The following PAPOLG variants were observed in gnomAD, a reference collection of about 807,000 sequenced individuals.
The protein encoded by PAPOLG is PAP-gamma.
PAPOLG carries 40 observed loss-of-function variants against 99.0 expected under a neutral mutation model. That is an observed-to-expected ratio of 0.40 (90% CI 0.31 to 0.53). The LOEUF (loss-of-function observed/expected upper bound fraction) is 0.53, where lower values mean the gene tolerates loss of function less well. Ranked by LOEUF, PAPOLG falls within the 20% of genes least tolerant of loss-of-function variation. The pLI is 0.41. For missense variants in PAPOLG, 675 were observed against 884.1 expected, an observed-to-expected ratio of 0.76 and a Z score of 3.00; for synonymous variants, 310 against 299.3, an observed-to-expected ratio of 1.04 and a Z score of -0.37.
intron 9 of PAPOLG, among the ~76,000 whole-genome samples, chr2:60,780,105 G>A (rs1242944536): frequency 6.6e-6 from 1 of 152,172 alleles, no homozygotes. Flanking sequence ...TTCAGTAAAT[G>A]TTGGCTGTTG....
chr2:60,792,202 T>C lies in PAPOLG; in HGVS notation c.1592T>C (p.Leu531Pro). Residue 531 changes from leucine (L) to proline (P), a missense_variant, in exon 17 of 22, where the codon CTG becomes CCG. Around this residue, in one of 3 missense-constraint regions of PAPOLG, gnomAD observed 413 missense variants for 460.5 expected, o/e 0.90. Coordinates refer to ENST00000238714, the MANE Select transcript of PAPOLG (RefSeq NM_022894.4). ...AGATTGTCTCTGGATAGCAGTTGTC[T>C]GGATAGCTCCAGAGACACTGATAAT... ...SKRLSLDSSC[L>P]DSSRDTDNGT... is the part of the protein sequence containing the mutation. 2 of 1,609,266 alleles carry C rather than the reference T, an allele frequency of 1.2e-6. No homozygotes were observed. Among genetic ancestry groups the C allele is most frequent in the East Asian group, 2.2e-5 (1 of 44,858 alleles).
chr2:60,757,313 A>ACT (rs1670377448), intron 1 of PAPOLG, among the ~76,000 whole-genome samples: 1 of 151,916 alleles, frequency 6.6e-6, no homozygotes. Context: ...CATCTGAAGG[A>ACT]CTCTCCTACC....
intron 9 of PAPOLG, among the ~76,000 whole-genome samples, chr2:60,780,133 GAATTA>G (rs1019578517): frequency 6.6e-6 from 1 of 152,166 alleles, no homozygotes; most frequent in Admixed American, 6.5e-5. Flanking sequence ...TAAATTATCG[GAATTA>G]AATCCATGAA....
At chr2:60,762,550 T>C (rs1186457570) in intron 3 of PAPOLG, among the ~76,000 whole-genome samples, 1 of 152,218 alleles carries the variant, frequency 6.6e-6, no homozygotes, top group Admixed American at 6.6e-5. Flanking sequence ...ATTTCTAGAT[T>C]ACTTAAAATA....
intron 8 of PAPOLG, among the ~76,000 whole-genome samples, chr2:60,777,339 C>T (rs138381816): frequency 9.2e-4 from 140 of 152,138 alleles, no homozygotes; most frequent in African/African-American, 3.3e-3. Context: ...GCCTGTAATC[C>T]CAGCTACTCG....
intron 2 of PAPOLG, among the ~76,000 whole-genome samples, chr2:60,760,803 G>A (rs1341358404): frequency 6.6e-6 from 1 of 152,218 alleles, no homozygotes; most frequent in Non-Finnish European, 1.5e-5. Context: ...TCAAGGTTTG[G>A]TTTATTCTGA....
intron 15 of PAPOLG, among the ~76,000 whole-genome samples, chr2:60,788,989 A>G (rs1405226358): frequency 6.6e-6 from 1 of 152,192 alleles, no homozygotes; most frequent in Non-Finnish European, 1.5e-5. Context: ...GTGAGATACT[A>G]TGCAGCCATA....
rs1353860485 is a variant in PAPOLG, at chr2:60,797,066, T to A, written c.2117T>A (p.Leu706Gln). The A allele has an allele frequency of 1.9e-6, 3 of 1,611,972 alleles. No homozygotes were observed. The highest frequency in any genetic ancestry group is 2.5e-6 in the Non-Finnish European group (3 of 1,178,146). ...PTIDTSRKKR[L>Q]PSKELPDSSS... ...TTTCCTCTTTCTTTCTAATAGAGAC[T>A]ACCCAGTAAAGAACTACCAGATTCA... The change falls in exon 22 of 22, where the codon CTA becomes CAA. Residue 706 changes from leucine (L) to glutamine (Q), a missense_variant. By Grantham distance (113) the Leu-to-Gln change is moderately radical. Transcript: ENST00000238714.
chr2:60,793,252 A>G (rs920610266), intron 17 of PAPOLG, among the ~76,000 whole-genome samples: 1 of 150,762 alleles, frequency 6.6e-6, no homozygotes, highest in African/African-American at 2.4e-5. Flanking sequence ...TGTTACAACA[A>G]GAGTGTTTTA....
chr2:60,792,764 A>C (rs1253263611), intron 17 of PAPOLG, among the ~76,000 whole-genome samples: 1 of 151,562 alleles, frequency 6.6e-6, no homozygotes, highest in African/African-American at 2.4e-5. Flanking sequence ...GGCCGGGCAC[A>C]GTTGCTCACG....
chr2:60,787,009 T>C lies in PAPOLG; in HGVS notation c.1229T>C (p.Ile410Thr), dbSNP rs1671382300. ...LVGNLERNEFITLAHVNPQSF... is the reference protein window; with the variant it reads ...LVGNLERNEFTTLAHVNPQSF... ...GGAAACTTGGAACGGAATGAATTTA[T>C]TACTCTTGCCCATGTGAATCCCCAG... The change falls in exon 14 of 22, where the codon ATT becomes ACT. Residue 410 changes from isoleucine (I) to threonine (T), a missense_variant. Transcript: ENST00000238714. 2 of 1,612,998 alleles carry C rather than the reference T, an allele frequency of 1.2e-6. No individual in the cohort carries two copies. Among genetic ancestry groups the C allele is most frequent in the Non-Finnish European group, 1.7e-6 (2 of 1,179,122 alleles).
chr2:60,770,547 A>C (rs1304347352), intron 6 of PAPOLG, 36 bp downstream of exon 6: 1 of 1,331,498 alleles, frequency 7.5e-7, no homozygotes, highest in Non-Finnish European at 1.0e-6. Context: ...TTACAATTGA[A>C]CTGTTTAAAC....
intron 8 of PAPOLG, among the ~76,000 whole-genome samples, chr2:60,776,418 ATTTTTTTTTTT>A (rs70959863): frequency 1.2e-5 from 1 of 85,868 alleles, no homozygotes; most frequent in South Asian, 3.3e-4. Flanking sequence ...CATTGGCTTC[ATTTTTTTTTTT>A]TTTTTTTTTT....
Position 60,792,147 on chromosome 2 carries a change from A to C in PAPOLG, c.1537A>C (p.Asn513His). 1 of 1,588,060 alleles carries C rather than the reference A, an allele frequency of 6.3e-7. No homozygotes were observed. Among genetic ancestry groups the C allele is most frequent in the Non-Finnish European group, 8.5e-7 (1 of 1,173,254 alleles). ...CTTTCAGCAAAGTCTCTCTGATGTC[A>C]ATCGAAGCTCGGGCGGACTTCAATC... ...KKKKQSLSDV[N>H]RSSGGLQSKR... The change falls in exon 17 of 22, where the codon AAT (asparagine) becomes CAT (histidine). Residue 513 changes from asparagine (N) to histidine (H), a missense_variant. By Grantham distance (68) the Asn-to-His change is moderately conservative. Transcript: ENST00000238714.
intron 8 of PAPOLG, among the ~76,000 whole-genome samples, chr2:60,777,483 A>T (rs1402374175): frequency 6.6e-6 from 1 of 152,172 alleles, no homozygotes; most frequent in African/African-American, 2.4e-5. Flanking sequence ...TTCTGTCAGC[A>T]ATAAAGCAGT....
chr2:60,774,952 C>T lies in PAPOLG; in HGVS notation c.605-82C>T, dbSNP rs1307236193. The T allele has an allele frequency of 8.9e-6, 14 of 1,574,606 alleles. No homozygotes were observed. The East Asian group carries it at 1.8e-4, about 20-fold the overall frequency. ...TATTATCTTTCATATTTTTAGCATT[C>T]GAGAGTCTGGAAGTTAGGAGGGCAT... On this transcript the variant is annotated intron_variant, in intron 7 of 21. Transcript: ENST00000238714.
In PAPOLG at chr2:60,794,397, T is replaced by A. The variant is rs1283656467; in HGVS notation, c.1989+206T>A. Reference sequence around the variant, plus strand: ...AATTTGAATGATTGGTCTGAGTTTCTCCTTGATTTACAGAAGTCATTACTG... The same window carrying A: ...AATTTGAATGATTGGTCTGAGTTTCACCTTGATTTACAGAAGTCATTACTG... On this transcript the variant is annotated intron_variant, in intron 19 of 21. Transcript: ENST00000238714. 1.4e-5 allele frequency: 9 copies of A among 631,554 alleles called. No individual in the cohort carries two copies. The African/African-American group carries it at 1.5e-4, about 10-fold the overall frequency. The allele number at this position is 631,554 out of a possible 1,614,324, so 39.1% of individuals were successfully genotyped here.
At chr2:60,794,689 A>G in intron 19 of PAPOLG, 21 bp from the exon 20 acceptor site, 1 of 1,599,986 alleles carries the variant, frequency 6.3e-7, no homozygotes, top group Non-Finnish European at 8.6e-7. Flanking sequence ...ATAGCAATCT[A>G]TTTCAATGTT....
chr2:60,791,979 A>G lies in PAPOLG; in HGVS notation c.1518+97A>G, dbSNP rs1384523727. ...ACAGCTCCCAAACCTATTGAGAAAA[A>G]TAAGGAAGATATAGGCAGTTCAATC... On this transcript the variant is annotated intron_variant, in intron 16 of 21. Transcript: ENST00000238714. The G allele has an allele frequency of 2.7e-6, 4 of 1,482,636 alleles. No homozygotes were observed. In the African/African-American group the frequency reaches 5.7e-5, roughly 21 times the overall value. 91.8% of individuals were successfully genotyped at this position (1,482,636 alleles called of 1,614,324 possible).
Sources: allele counts gnomAD v4.1 joint callset (sites outside exome capture counted in the v4.1 genomes callset), GRCh38; gene constraint gnomAD v4.1.1; regional missense constraint gnomAD v4.1.1; transcripts MANE v1.5; gene names NCBI Gene and HGNC (gene_info 2026-07-23, HGNC 2026-07-21).